Variants in SDK1 observed in about 807,000 individuals in gnomAD.
The protein encoded by SDK1 is sidekick cell adhesion molecule 1, also known as protein sidekick-1.
In SDK1, 157 loss-of-function variants were observed where a neutral mutation model predicts 245.5. That is an observed-to-expected ratio of 0.64 (90% CI 0.56 to 0.73). The LOEUF (loss-of-function observed/expected upper bound fraction) is 0.73. Ranked by LOEUF, SDK1 falls within the 30% of genes least tolerant of loss-of-function variation. The pLI is 0.00. For missense variants in SDK1, 3,583 were observed against 3,002.3 expected (o/e 1.19, Z -4.52); for synonymous variants, 1,647 against 1,278.5 (o/e 1.29, Z -6.15).
At chr7:3,339,283 CA>C (rs1344178401) in intron 1 of SDK1, among the ~76,000 whole-genome samples, 1 of 152,040 alleles carries the variant, frequency 6.6e-6, no homozygotes, top group Non-Finnish European at 1.5e-5. Flanking sequence ...ATACATGAAG[CA>C]AAAACTGAGC....
chr7:3,507,499 C>T (rs1436238907), intron 1 of SDK1, among the ~76,000 whole-genome samples: 2 of 152,194 alleles, frequency 1.3e-5, no homozygotes, highest in Non-Finnish European at 2.9e-5. Flanking sequence ...CCATATTCTG[C>T]TTTCTGGTTG....
At chr7:4,186,545 C>G (rs1016349188) in intron 35 of SDK1, among the ~76,000 whole-genome samples, 28 of 152,330 alleles carry the variant, frequency 1.8e-4, no homozygotes, top group Middle Eastern at 3.4e-3. Flanking sequence ...GCCGGCTCGC[C>G]TTCCCCACCT....
At chr7:3,505,453 G>C (rs556117672) in intron 1 of SDK1, among the ~76,000 whole-genome samples, 11 of 152,116 alleles carry the variant, frequency 7.2e-5, no homozygotes, top group Non-Finnish European at 1.5e-4. Flanking sequence ...GTCTCACTCT[G>C]TTGCTTCAGC....
intron 15 of SDK1, 126 bp from the exon 16 acceptor site, chr7:4,011,969 C>T (rs568099791): frequency 2.6e-6 from 2 of 775,550 alleles, no homozygotes; most frequent in East Asian, 6.0e-5. Context: ...GTGTGTTTTG[C>T]TTTTCCTGAA....
At chr7:3,908,213 G>A (rs1034891197) in intron 5 of SDK1, among the ~76,000 whole-genome samples, 10 of 152,204 alleles carry the variant, frequency 6.6e-5, no homozygotes, top group Non-Finnish European at 1.3e-4. Flanking sequence ...CCGGATGAGC[G>A]CCTTGTGTCC....
In SDK1 at chr7:4,149,426, T is replaced by C. The variant is rs1018430613; in HGVS notation, c.4588T>C (p.Ser1530Pro). The change falls in exon 30 of 45, where the codon TCC (serine) becomes CCC (proline). Residue 1530 changes from serine to proline, a missense_variant. Physicochemically the swap from Ser to Pro is moderately conservative, Grantham distance 74. Transcript: ENST00000404826. Reference sequence around the variant, plus strand: ...GGGTGAGTGGCAGACCTACTCCTCGTCCATCAGCCATGAGGCGACAGCATG... The same window carrying C: ...GGGTGAGTGGCAGACCTACTCCTCGCCCATCAGCCATGAGGCGACAGCATG... ...PRGEWQTYSS[S>P]ISHEATACVV... 2 of 1,568,752 alleles carry C rather than the reference T, an allele frequency of 1.3e-6. No homozygotes were observed. Among genetic ancestry groups the C allele is most frequent in the African/African-American group, 2.7e-5 (2 of 73,004 alleles).
intron 7 of SDK1, among the ~76,000 whole-genome samples, chr7:3,957,705 G>A (rs1388538617): frequency 1.3e-5 from 2 of 152,176 alleles, no homozygotes; most frequent in Non-Finnish European, 2.9e-5. Context: ...CTGCCTTCAT[G>A]ATTATTGATT....
chr7:3,475,344 C>T (rs1583913909), intron 1 of SDK1, among the ~76,000 whole-genome samples: 1 of 152,324 alleles, frequency 6.6e-6, no homozygotes, highest in South Asian at 2.1e-4. Context: ...ACTGCCCCAC[C>T]TATTCGCACT....
intron 1 of SDK1, among the ~76,000 whole-genome samples, chr7:3,486,338 C>A (rs1223950509): frequency 6.6e-6 from 1 of 151,914 alleles, no homozygotes; most frequent in Non-Finnish European, 1.5e-5. Flanking sequence ...CAAAACTTAG[C>A]CAGTTTTATG....
At chr7:3,452,124 G>GT (rs1295970646) in intron 1 of SDK1, among the ~76,000 whole-genome samples, 2 of 151,996 alleles carry the variant, frequency 1.3e-5, no homozygotes, top group Non-Finnish European at 2.9e-5. Context: ...CATGATTAAA[G>GT]TAAGTTATGA....
rs569956506 is a variant in SDK1, at chr7:4,194,470, A to G, written c.5099-11409A>G. 6.6e-4 allele frequency among the ~76,000 whole-genome samples: 93 copies of G among 141,296 alleles called. 1 individual carries two copies. Among genetic ancestry groups the G allele is most frequent in the Admixed American group, 1.2e-3 (17 of 14,362 alleles). The allele number at this position is 141,296 out of a possible 152,430, so 92.7% of individuals were successfully genotyped here. A position where few individuals can be genotyped will look rare whatever the true frequency, so the allele number is the denominator to read the frequency against. On this transcript the variant is annotated intron_variant, in intron 35 of 44. Coordinates refer to ENST00000404826, the MANE Select transcript of SDK1 (RefSeq NM_152744.4). ...TATACATGTATATATGTGTGTGTGT[A>G]TATATATACTCCCATATATATGGGA...
chr7:3,726,258 T>G (rs993351226), intron 4 of SDK1, among the ~76,000 whole-genome samples: 9 of 152,326 alleles, frequency 5.9e-5, no homozygotes, highest in African/African-American at 2.2e-4. Context: ...ACACACTGTT[T>G]TTAAAGACCA....
chr7:3,794,936 A>G, intron 4 of SDK1, among the ~76,000 whole-genome samples: 1 of 133,968 alleles, frequency 7.5e-6, no homozygotes, highest in East Asian at 2.0e-4. Flanking sequence ...TTTTTATTTA[A>G]AAAAAAAAAG....
intron 1 of SDK1, among the ~76,000 whole-genome samples, chr7:3,332,529 TA>T (rs1312276475): frequency 6.6e-6 from 1 of 152,174 alleles, no homozygotes; most frequent in African/African-American, 2.4e-5. Context: ...AAAGGCATGA[TA>T]ATGGAGTCTG....
intron 10 of SDK1, 146 bp from the exon 11 acceptor site, chr7:3,969,111 C>A (rs1782291448): frequency 1.5e-6 from 1 of 682,582 alleles, no homozygotes; most frequent in East Asian, 2.9e-5. Flanking sequence ...CAGATTCCTC[C>A]CCCGACGTGG....
rs58062675 is a variant in SDK1 at position 3,913,170 on chromosome 7, G to A, written c.848-37753G>A. 8.4e-3 allele frequency among the ~76,000 whole-genome samples: 1,280 copies of A among 152,272 alleles called. 13 individuals carry two copies. Among genetic ancestry groups the A allele is most frequent in the African/African-American group, 0.028 (1,181 of 41,546 alleles). On this transcript the variant is annotated intron_variant, in intron 5 of 44. Coordinates refer to ENST00000404826, the MANE Select transcript of SDK1 (RefSeq NM_152744.4). ...CCTGCCATGAAGCCTTCAGGGCATC[G>A]GTATGGAAATGCCTCCAGCTCCTGG...
At chr7:3,720,318 A>T (rs1785330922) in intron 4 of SDK1, among the ~76,000 whole-genome samples, 1 of 152,100 alleles carries the variant, frequency 6.6e-6, no homozygotes, top group African/African-American at 2.4e-5. Flanking sequence ...AAATTTGTAA[A>T]CCACGTACCT....
At chr7:3,435,793 C>T (rs933319194) in intron 1 of SDK1, among the ~76,000 whole-genome samples, 1 of 152,154 alleles carries the variant, frequency 6.6e-6, no homozygotes, top group Non-Finnish European at 1.5e-5. Context: ...TGCTCGTATT[C>T]AGTCTCTACG....
chr7:3,626,746 C>T (rs1307429891), intron 2 of SDK1, among the ~76,000 whole-genome samples: 1 of 152,194 alleles, frequency 6.6e-6, no homozygotes, highest in Non-Finnish European at 1.5e-5. Context: ...AGCCCACTGG[C>T]ATGAAGTTCA....
Sources: allele counts gnomAD v4.1 joint callset (sites outside exome capture counted in the v4.1 genomes callset), GRCh38; gene constraint gnomAD v4.1.1; transcripts MANE v1.5; gene names NCBI Gene and HGNC (gene_info 2026-07-23, HGNC 2026-07-21).